FNIP2: variants seen among roughly 807,000 people sequenced by gnomAD.
FNIP2 encodes the protein folliculin interacting protein 2.
FNIP2 carries 32 observed loss-of-function variants against 108.7 expected under a neutral mutation model. The ratio of observed to expected loss-of-function variants is 0.29; its 90% confidence interval spans 0.22 to 0.40. The LOEUF is 0.40. Among genes scored for constraint, FNIP2 ranks in the 10% least tolerant of loss-of-function variants. The pLI, the probability that FNIP2 is intolerant of heterozygous loss-of-function variation, is 1.00. For missense variants in FNIP2, 1,202 were observed against 1,381.6 expected (o/e 0.87, Z 2.06); for synonymous variants, 480 against 496.7 (o/e 0.97, Z 0.45).
At chr4:158,799,094 G>A (rs984594459) in intron 1 of FNIP2, among the ~76,000 whole-genome samples, 1 of 152,144 alleles carries the variant, frequency 6.6e-6, no homozygotes, top group Non-Finnish European at 1.5e-5. Flanking sequence ...TGATGAGAAG[G>A]TTTTACCTTC....
At chr4:158,900,450 A>G (rs184757228) in intron 16 of FNIP2, among the ~76,000 whole-genome samples, 5 of 152,254 alleles carry the variant, frequency 3.3e-5, no homozygotes, top group Non-Finnish European at 5.9e-5. Context: ...AAAGTCTCCC[A>G]TTATTATTGT....
intron 1 of FNIP2, among the ~76,000 whole-genome samples, chr4:158,803,812 A>G (rs938056606): frequency 2.0e-5 from 3 of 152,236 alleles, no homozygotes; most frequent in Admixed American, 6.5e-5. Flanking sequence ...AGCTTTTGCT[A>G]TAGTAAACGA....
rs551352258 is a variant in FNIP2 at position 158,881,712 on chromosome 4, C to T, written c.2950-9734C>T. ...GAGTGATCTGCCAGCCTCGGCCTCC[C>T]GAGGTGCTGGGATTGCAGACGGAGT... On this transcript the variant is annotated intron_variant, in intron 14 of 16. Transcript: ENST00000264433. Among the ~76,000 whole-genome samples, 730 of 152,328 alleles carry T rather than the reference C, an allele frequency of 4.8e-3. 3 individuals are homozygous for T. In the Middle Eastern group the frequency reaches 0.051, roughly 11 times the overall value.
intron 14 of FNIP2, among the ~76,000 whole-genome samples, chr4:158,887,754 A>AAAC (rs1782095542): frequency 6.6e-6 from 1 of 151,626 alleles, no homozygotes; most frequent in Non-Finnish European, 1.5e-5. Context: ...AAAAAAAAAA[A>AAAC]AAACCCAAGA....
chr4:158,789,115 G>A (rs932974328), intron 1 of FNIP2, among the ~76,000 whole-genome samples: 3 of 152,204 alleles, frequency 2.0e-5, no homozygotes, highest in Non-Finnish European at 4.4e-5. Flanking sequence ...CTGTGCTGCT[G>A]TGATTATTTT....
intron 1 of FNIP2, among the ~76,000 whole-genome samples, chr4:158,823,557 C>G (rs1778001052): frequency 6.6e-6 from 1 of 152,174 alleles, no homozygotes; most frequent in Admixed American, 6.5e-5. Flanking sequence ...ATTTAGTGGT[C>G]TGGGTCATAG....
At position 158,876,221 on chromosome 4, in the gene FNIP2, C is replaced by G. The variant is rs534198888; in HGVS notation, c.2949+5752C>G. 3.9e-5 allele frequency among the ~76,000 whole-genome samples: 6 copies of G among 152,296 alleles called. No individual in the cohort carries two copies. In the South Asian group the frequency reaches 1.0e-3, roughly 26 times the overall value. On this transcript the variant is annotated intron_variant, in intron 14 of 16. Coordinates refer to ENST00000264433, the MANE Select transcript of FNIP2 (RefSeq NM_020840.3). ...TTTTTAAAGTTCCTTTTGATCTTCC[C>G]AAATGGCATCCCTGTGTCCACTTTA...
intron 1 of FNIP2, among the ~76,000 whole-genome samples, chr4:158,800,448 G>A (rs1364923984): frequency 6.6e-6 from 1 of 152,156 alleles, no homozygotes; most frequent in East Asian, 1.9e-4. Context: ...CAGGGTGAGT[G>A]CTTTGCTTTT....
At chr4:158,817,102 ATG>A (rs1430783919) in intron 1 of FNIP2, among the ~76,000 whole-genome samples, 1 of 152,132 alleles carries the variant, frequency 6.6e-6, no homozygotes, top group African/African-American at 2.4e-5. Flanking sequence ...GATTACAGGC[ATG>A]AGCCACTGCA....
intron 14 of FNIP2, among the ~76,000 whole-genome samples, chr4:158,890,892 G>A (rs1418105020): frequency 2.0e-5 from 3 of 152,162 alleles, no homozygotes; most frequent in African/African-American, 7.2e-5. Context: ...GGAGCATCCA[G>A]CTGGCATAGC....
chr4:158,851,443 C>A lies in FNIP2; in HGVS notation c.850C>A (p.Pro284Thr), dbSNP rs769723325. 2 of 1,613,692 alleles carry A rather than the reference C, an allele frequency of 1.2e-6. No homozygotes were observed. Among genetic ancestry groups the A allele is most frequent in the Admixed American group, 1.7e-5 (1 of 59,982 alleles). The change falls in exon 8 of 17, where the codon CCA becomes ACA. Residue 284 changes from proline to threonine, a missense_variant. Pro to Thr is a conservative substitution (Grantham distance 38). Around this residue, in one of 5 missense-constraint regions of FNIP2, gnomAD observed 878 missense variants for 990.3 expected, o/e 0.89. Transcript: ENST00000264433. ...QTTSLENGII[P>T]RRSTDETFSL... ...AACAAGTTTGGAAAATGGCATCATC[C>A]CAAGAAGGTGAGTTGCAAGTTTCCT...
At chr4:158,797,508 T>C (rs958642525) in intron 1 of FNIP2, among the ~76,000 whole-genome samples, 2 of 152,142 alleles carry the variant, frequency 1.3e-5, no homozygotes, top group Non-Finnish European at 2.9e-5. Context: ...GAGACTAGCC[T>C]GGGCAACATG....
chr4:158,805,922 G>A (rs1045522044), intron 1 of FNIP2, among the ~76,000 whole-genome samples: 5 of 152,178 alleles, frequency 3.3e-5, no homozygotes, highest in Admixed American at 2.0e-4. Flanking sequence ...AAGAACAAAA[G>A]TAGGACTTGT....
chr4:158,877,345 C>T (rs1781341187), intron 14 of FNIP2, among the ~76,000 whole-genome samples: 1 of 152,196 alleles, frequency 6.6e-6, no homozygotes, highest in South Asian at 2.1e-4. Flanking sequence ...TCTTCTTTCC[C>T]TCTACCCCTA....
chr4:158,793,229 A>G (rs1776479203), intron 1 of FNIP2, among the ~76,000 whole-genome samples: 1 of 152,254 alleles, frequency 6.6e-6, no homozygotes, highest in Non-Finnish European at 1.5e-5. Flanking sequence ...TACAAGGTGC[A>G]GCTGTCTGTG....
At chr4:158,880,722 T>A (rs931944047) in intron 14 of FNIP2, among the ~76,000 whole-genome samples, 7 of 152,220 alleles carry the variant, frequency 4.6e-5, no homozygotes, top group Non-Finnish European at 1.0e-4. Context: ...TTTATTTTTT[T>A]AAAAACTGGT....
intron 14 of FNIP2, among the ~76,000 whole-genome samples, chr4:158,880,654 A>T (rs922246180): frequency 6.6e-6 from 1 of 152,248 alleles, no homozygotes; most frequent in African/African-American, 2.4e-5. Context: ...ATAATGAGTG[A>T]TAACCAGATT....
At chr4:158,834,634 C>T (rs1778697369) in intron 6 of FNIP2, 1 of 152,114 alleles carries the variant, frequency 6.6e-6, no homozygotes, top group African/African-American at 2.4e-5. Flanking sequence ...AAAAAAATAG[C>T]TGTCAAGTAT....
chr4:158,825,771 G>A, intron 1 of FNIP2, 145 bp from the exon 2 acceptor site: 1 of 961,986 alleles, frequency 1.0e-6, no homozygotes, highest in South Asian at 1.6e-5. Context: ...GCTCACTGGT[G>A]CCCCAGTTCT....
Sources: allele counts gnomAD v4.1 joint callset (sites outside exome capture counted in the v4.1 genomes callset), GRCh38; gene constraint gnomAD v4.1.1; regional missense constraint gnomAD v4.1.1; transcripts MANE v1.5; gene names NCBI Gene and HGNC (gene_info 2026-07-23, HGNC 2026-07-21).